Variants in B4GALT1 observed in about 807,000 individuals in gnomAD.
B4GALT1 encodes N-acetyllactosamine synthase.
In B4GALT1, 16 loss-of-function variants were observed where a neutral mutation model predicts 34.9. The ratio of observed to expected loss-of-function variants is 0.46; its 90% CI spans 0.31 to 0.70. The LOEUF is 0.70. Ranked by LOEUF, B4GALT1 falls within the 30% of genes least tolerant of loss-of-function variation. The pLI, the probability that B4GALT1 is intolerant of heterozygous loss-of-function variation, is 0.05. For missense variants in B4GALT1, 445 were observed against 530.5 expected, an observed-to-expected ratio of 0.84 and a Z score of 1.58; for synonymous variants, 221 against 218.1, an observed-to-expected ratio of 1.01 and a Z score of -0.12.
downstream of B4GALT1, among the ~76,000 whole-genome samples, chr9:33,109,998 G>T (rs62544382): frequency 0.47 from 70,933 of 152,074 alleles, 18,354 homozygotes; most frequent in Admixed American, 0.58. Context: ...CTGAACCCCA[G>T]GCCACCTTTG....
At chr9:33,162,116 C>A (rs1840683529) in intron 1 of B4GALT1, among the ~76,000 whole-genome samples, 1 of 152,194 alleles carries the variant, frequency 6.6e-6, no homozygotes, top group African/African-American at 2.4e-5. Flanking sequence ...GACCATAATA[C>A]CCAGTGATAT....
Position 33,167,159 on chromosome 9 carries a change from C to T in B4GALT1, c.11G>A (p.Arg4Gln). Residue 4 changes from arginine (R) to glutamine (Q), a missense_variant, in exon 1 of 6, where the codon CGG becomes CAG. This residue lies in a region of B4GALT1 where 349 missense variants were observed against 395.5 expected (regional missense o/e 0.88). Transcript: ENST00000379731. ...GGCGCTGCCGCTCAGGAGCGGCTCC[C>T]GAAGCCTCATCTTCCCGCCGCCGCT... Reference protein sequence around the residue: MRLREPLLSGSAAM... With the variant: MRLQEPLLSGSAAM... 2 of 1,599,154 alleles carry T rather than the reference C, an allele frequency of 1.3e-6. No homozygotes were observed. Among genetic ancestry groups the T allele is most frequent in the Non-Finnish European group, 1.7e-6 (2 of 1,174,840 alleles).
Position 33,130,166 on chromosome 9 carries a change from C to G in B4GALT1, c.648+5023G>C, listed in dbSNP as rs138181575. Among the ~76,000 whole-genome samples, 12 of 152,282 alleles carry G rather than the reference C, an allele frequency of 7.9e-5. No individual in the cohort carries two copies. In the East Asian group the frequency reaches 2.3e-3, roughly 29 times the overall value. ...TGACAAACCCACCTGGCCAGCTGTG[C>G]CTGCATTCCTTACTCATTTTGTAAT... On this transcript the variant is annotated intron_variant, in intron 2 of 5. Coordinates refer to ENST00000379731, the MANE Select transcript of B4GALT1 (RefSeq NM_001497.4).
chr9:33,158,680 C>T (rs769856882), intron 1 of B4GALT1, among the ~76,000 whole-genome samples: 10 of 152,152 alleles, frequency 6.6e-5, no homozygotes, highest in Non-Finnish European at 1.0e-4. Flanking sequence ...GAAGAGAGGT[C>T]CTTCATTCTG....
Position 33,166,815 on chromosome 9 carries a change from C to G in B4GALT1, c.355G>C (p.Val119Leu), listed in dbSNP as rs779306480. Residue 119 changes from valine to leucine, a missense_variant, in exon 1 of 6, where the codon GTG becomes CTG. By Grantham distance (32) the Val-to-Leu change is conservative. Coordinates refer to ENST00000379731, the MANE Select transcript of B4GALT1 (RefSeq NM_001497.4). ...AGCGACAGTGCGGTGGTGTGGGGCA[C>G]TGGGACCGAGGTCAAGTTGCTAGCG... ...GPASNLTSVP[V>L]PHTTALSLPA... 2 of 1,547,342 alleles carry G rather than the reference C, an allele frequency of 1.3e-6. No homozygotes were observed. The highest frequency in any genetic ancestry group is 1.2e-5 in the South Asian group (1 of 82,422).
the B4GALT1 span, chr9:33,179,434 TAC>T: frequency 9.8e-5 from 15 of 152,342 alleles, no homozygotes; most frequent in Admixed American, 7.8e-4. Flanking sequence ...CCACACACCA[TAC>T]ACTCTCTGAG....
In B4GALT1 at chr9:33,111,120, C is replaced by T. The variant is rs1214949013; in HGVS notation, c.*2334G>A. ...CTCACGGACCAGGCAAACATCCAGG[C>T]CTAACTGTGCCCTGGCTGTGCCTTG... On this transcript the variant is annotated 3_prime_UTR_variant, in exon 6 of 6. Coordinates refer to ENST00000379731, the MANE Select transcript of B4GALT1 (RefSeq NM_001497.4). 3 of 152,538 alleles carry T rather than the reference C, an allele frequency of 2.0e-5. No homozygotes were observed. The highest frequency in any genetic ancestry group is 2.0e-4 in the Admixed American group (3 of 15,264). The allele number at this position is 152,538 out of a possible 1,614,324, so 9.4% of individuals were successfully genotyped here. A position where few individuals can be genotyped will look rare whatever the true frequency, so the allele number is the denominator to read the frequency against.
chr9:33,172,876 A>G, the B4GALT1 span, among the ~76,000 whole-genome samples: 2 of 151,520 alleles, frequency 1.3e-5, no homozygotes, highest in African/African-American at 2.4e-5. Context: ...GTTGAGCAAC[A>G]TAAGAGTCCA....
the B4GALT1 span, among the ~76,000 whole-genome samples, chr9:33,180,803 GC>G: frequency 6.6e-5 from 10 of 152,188 alleles, no homozygotes; most frequent in African/African-American, 2.4e-4. Flanking sequence ...AGGGCATTGA[GC>G]CCTCCAGTAC....
intron 2 of B4GALT1, among the ~76,000 whole-genome samples, chr9:33,132,520 G>C (rs10511909): frequency 0.11 from 17,035 of 152,258 alleles, 1,066 homozygotes; most frequent in African/African-American, 0.16. Context: ...CACACTTTTG[G>C]AGAAGCACTC....
downstream of B4GALT1, among the ~76,000 whole-genome samples, chr9:33,109,465 A>G (rs1016886932): frequency 6.6e-6 from 1 of 152,238 alleles, no homozygotes; most frequent in African/African-American, 2.4e-5. Context: ...AAACCCAAGA[A>G]GAGGCTCATA....
chr9:33,153,396 G>A (rs1026881485), intron 1 of B4GALT1, among the ~76,000 whole-genome samples: 10 of 152,028 alleles, frequency 6.6e-5, no homozygotes, highest in African/African-American at 2.4e-4. Context: ...TAATGAAGCA[G>A]AAAAATAAGA....
In B4GALT1 at chr9:33,167,211, G is replaced by A. The variant is rs2118353529; in HGVS notation, c.-42C>T. On this transcript the variant is annotated 5_prime_UTR_variant, in exon 1 of 6. Coordinates refer to ENST00000379731, the MANE Select transcript of B4GALT1 (RefSeq NM_001497.4). ...TAAGAAGGGTGTGGGCTACAGGAGG[G>A]GAGGCGACCCGCCCGCGGGCCGCCC... 6.6e-7 allele frequency: 1 copy of A among 1,509,236 alleles called. No individual in the cohort carries two copies. Among genetic ancestry groups the A allele is most frequent in the South Asian group, 1.3e-5 (1 of 77,624 alleles). The allele number at this position is 1,509,236 out of a possible 1,614,324, so 93.5% of individuals were successfully genotyped here. A position where few individuals can be genotyped will look rare whatever the true frequency, so the allele number is the denominator to read the frequency against.
the B4GALT1 span, among the ~76,000 whole-genome samples, chr9:33,176,307 A>G: frequency 6.6e-6 from 1 of 152,332 alleles, no homozygotes; most frequent in Non-Finnish European, 1.5e-5. Flanking sequence ...TTACACTGGT[A>G]CAATTCTTGT....
At chr9:33,184,508 G>A in the B4GALT1 span, among the ~76,000 whole-genome samples, 1 of 152,204 alleles carries the variant, frequency 6.6e-6, no homozygotes, top group Admixed American at 6.5e-5. Context: ...GGACAATTGA[G>A]GTTTGTAAAT....
At chr9:33,144,291 T>C (rs1840394541) in intron 1 of B4GALT1, among the ~76,000 whole-genome samples, 2 of 152,208 alleles carry the variant, frequency 1.3e-5, no homozygotes, top group Admixed American at 1.3e-4. Context: ...TGGAGTGCAG[T>C]GGTGCGATCT....
At chr9:33,172,396 T>C in the B4GALT1 span, among the ~76,000 whole-genome samples, 1 of 152,190 alleles carries the variant, frequency 6.6e-6, no homozygotes, top group South Asian at 2.1e-4. Context: ...GGATTTAGAA[T>C]GAAACGTGGT....
At chr9:33,106,924 C>T (rs1454680073), downstream of B4GALT1, among the ~76,000 whole-genome samples, 1 of 152,128 alleles carries the variant, frequency 6.6e-6, no homozygotes, top group Non-Finnish European at 1.5e-5. Flanking sequence ...TTCCTCCTGG[C>T]TTGTCTTTCC....
chr9:33,164,439 C>T (rs929004678), intron 1 of B4GALT1, among the ~76,000 whole-genome samples: 1 of 152,202 alleles, frequency 6.6e-6, no homozygotes, highest in Admixed American at 6.5e-5. Context: ...AAAGACCTCT[C>T]GGCCCCCATT....
Sources: allele counts gnomAD v4.1 joint callset (sites outside exome capture counted in the v4.1 genomes callset), GRCh38; gene constraint gnomAD v4.1.1; regional missense constraint gnomAD v4.1.1; transcripts MANE v1.5; gene names NCBI Gene and HGNC (gene_info 2026-07-23, HGNC 2026-07-21).